The following MAMDC2 variants were observed in gnomAD, a reference collection of about 807,000 sequenced individuals.
The protein encoded by MAMDC2 is MAM domain containing 2, also known as MAM domain-containing protein 2.
Under a neutral mutation model 89.8 loss-of-function variants are expected in MAMDC2, and 57 were observed. The ratio of observed to expected loss-of-function variants is 0.63; its 90% CI spans 0.51 to 0.79. The LOEUF (loss-of-function observed/expected upper bound fraction) is 0.79. Among genes scored for constraint, MAMDC2 ranks in the 30% least tolerant of loss-of-function variants. The pLI is 0.00. For missense variants in MAMDC2, 800 were observed against 820.6 expected (o/e 0.97, Z 0.31); for synonymous variants, 313 against 293.4 (o/e 1.07, Z -0.68).
chr9:70,074,293 T>C (rs975680053), intron 2 of MAMDC2, among the ~76,000 whole-genome samples: 1 of 152,238 alleles, frequency 6.6e-6, no homozygotes, highest in African/African-American at 2.4e-5. Flanking sequence ...TTAAAACTTA[T>C]GCAACTTTTA....
rs374679339 is a variant in MAMDC2, at chr9:70,051,888, G to T, written c.148+7191G>T. On this transcript the variant is annotated intron_variant, in intron 2 of 13. Coordinates refer to ENST00000377182, the MANE Select transcript of MAMDC2 (RefSeq NM_153267.5). ...ATCTATTTACCTATCTAGATAGATAGAGATAGATAGATAGATAGATAGATA... is the reference window on the plus strand; with the variant it reads ...ATCTATTTACCTATCTAGATAGATATAGATAGATAGATAGATAGATAGATA... 3.2e-4 allele frequency among the ~76,000 whole-genome samples: 47 copies of T among 148,914 alleles called. No homozygotes were observed. The East Asian group carries it at 3.9e-3, about 13-fold the overall frequency.
intron 9 of MAMDC2, among the ~76,000 whole-genome samples, chr9:70,154,902 T>C (rs1336472196): frequency 2.0e-5 from 3 of 152,138 alleles, no homozygotes; most frequent in African/African-American, 7.2e-5. Flanking sequence ...ACTGTGCCTT[T>C]TCCTATTCCC....
At chr9:70,182,924 C>A (rs1030828855) in intron 11 of MAMDC2, among the ~76,000 whole-genome samples, 8 of 152,120 alleles carry the variant, frequency 5.3e-5, no homozygotes, top group African/African-American at 1.9e-4. Context: ...TTGTCTAGTT[C>A]TTTTAATTGT....
chr9:70,143,493 A>T, intron 8 of MAMDC2, 61 bp from the exon 9 acceptor site: 1 of 1,564,820 alleles, frequency 6.4e-7, no homozygotes, highest in Non-Finnish European at 8.7e-7. Flanking sequence ...ATCATATTTT[A>T]CCACTTGCTA....
At chr9:70,138,004 G>A (rs1189350416) in intron 7 of MAMDC2, among the ~76,000 whole-genome samples, 1 of 152,114 alleles carries the variant, frequency 6.6e-6, no homozygotes, top group African/African-American at 2.4e-5. Flanking sequence ...ATCCATCCTG[G>A]CGTAACATAC....
Position 70,218,374 on chromosome 9 carries a change from T to C in MAMDC2, c.1689T>C (p.Tyr563=), listed in dbSNP as rs887269248. ...ACATTGAGGCCTCCCATATGGTGTA[T>C]GGACAAAAAGCACGCCTCTTGTCCA... The part of the protein sequence containing the change: ...YMYIEASHMV[Y]GQKARLLSRP... The change falls in exon 12 of 14, where the codon TAT becomes TAC. Residue 563 remains tyrosine, a synonymous_variant. Coordinates refer to ENST00000377182, the MANE Select transcript of MAMDC2 (RefSeq NM_153267.5). 3 of 1,614,084 alleles carry C rather than the reference T, an allele frequency of 1.9e-6. No individual in the cohort carries two copies. The South Asian group carries it at 3.3e-5, about 18-fold the overall frequency.
intron 11 of MAMDC2, among the ~76,000 whole-genome samples, chr9:70,210,688 T>G (rs2033337262): frequency 6.6e-6 from 1 of 152,246 alleles, no homozygotes; most frequent in Non-Finnish European, 1.5e-5. Context: ...GTTAGCTGGT[T>G]ATTTTGTTCA....
intron 2 of MAMDC2, among the ~76,000 whole-genome samples, chr9:70,098,522 A>T (rs1484811656): frequency 6.6e-6 from 1 of 152,230 alleles, no homozygotes; most frequent in Non-Finnish European, 1.5e-5. Context: ...GATTTGAGGC[A>T]CTGCAGTAGA....
Position 70,166,270 on chromosome 9 carries a change from T to TACACACACACAC in MAMDC2, c.1405-2431_1405-2430insCACACACACACA, listed in dbSNP as rs1372969228. ...AAAAAAAACAAAACAGAAATATATA[T>TACACACACACAC]ATATATACACACACACACACACACA... On this transcript the variant is annotated intron_variant, in intron 9 of 13. Coordinates refer to ENST00000377182, the MANE Select transcript of MAMDC2 (RefSeq NM_153267.5). Among the ~76,000 whole-genome samples the TACACACACACAC allele has an allele frequency of 2.6e-4, 9 of 35,138 alleles. No homozygotes were observed. In the East Asian group the frequency reaches 0.02, roughly 78 times the overall value. 23.1% of individuals were successfully genotyped at this position (35,138 alleles called of 152,430 possible). A position where few individuals can be genotyped will look rare whatever the true frequency, so the allele number is the denominator to read the frequency against.
intron 6 of MAMDC2, among the ~76,000 whole-genome samples, chr9:70,127,359 C>G (rs1259096162): frequency 6.6e-6 from 1 of 152,062 alleles, no homozygotes; most frequent in Admixed American, 6.5e-5. Context: ...TCTGAGGACC[C>G]CTTAGGACCT....
chr9:70,052,377 T>G (rs537627915), intron 2 of MAMDC2, among the ~76,000 whole-genome samples: 6 of 152,366 alleles, frequency 3.9e-5, no homozygotes, highest in African/African-American at 1.4e-4. Flanking sequence ...ACTTACTTGC[T>G]TCTTGTTTTA....
intron 2 of MAMDC2, among the ~76,000 whole-genome samples, chr9:70,098,095 T>A (rs1273659340): frequency 6.6e-6 from 1 of 152,212 alleles, no homozygotes; most frequent in Non-Finnish European, 1.5e-5. Context: ...ATATACTTTA[T>A]GGAAATGGAT....
In MAMDC2 at chr9:70,218,433, T is replaced by C. The variant is rs1240634501; in HGVS notation, c.1748T>C (p.Leu583Ser). The C allele has an allele frequency of 6.2e-7, 1 of 1,614,088 alleles. No individual in the cohort carries two copies. Among genetic ancestry groups the C allele is most frequent in the Non-Finnish European group, 8.5e-7 (1 of 1,180,036 alleles). ...PLRGVSGKHC[L>S]TFFYHMYGGG... is the part of the protein sequence containing the mutation. ...CGAGGAGTCTCTGGAAAACACTGCTTGACCTTTTTCTACCACATGTATGGA... is the reference window on the plus strand; with the variant it reads ...CGAGGAGTCTCTGGAAAACACTGCTCGACCTTTTTCTACCACATGTATGGA... The change falls in exon 12 of 14, where the codon TTG becomes TCG. Residue 583 changes from leucine (L) to serine (S), a missense_variant. Physicochemically the swap from Leu to Ser is moderately radical, Grantham distance 145 (BLOSUM62 -2). Transcript: ENST00000377182.
intron 9 of MAMDC2, among the ~76,000 whole-genome samples, chr9:70,166,771 T>C (rs2032191092): frequency 6.6e-6 from 1 of 152,220 alleles, no homozygotes; most frequent in Non-Finnish European, 1.5e-5. Flanking sequence ...TTGAGTTTTA[T>C]GTAGGTAATG....
At chr9:70,133,212 G>C (rs2030872580) in intron 7 of MAMDC2, among the ~76,000 whole-genome samples, 1 of 152,166 alleles carries the variant, frequency 6.6e-6, no homozygotes, top group East Asian at 1.9e-4. Flanking sequence ...TGGTAGAAGA[G>C]GTGTTTATCT....
chr9:70,202,335 C>T (rs1477821273), intron 11 of MAMDC2, among the ~76,000 whole-genome samples: 4 of 152,054 alleles, frequency 2.6e-5, no homozygotes, highest in Non-Finnish European at 2.9e-5. Flanking sequence ...CAGGAGCAGG[C>T]TGTTCAGTTT....
intron 9 of MAMDC2, among the ~76,000 whole-genome samples, chr9:70,148,755 C>T (rs1032248874): frequency 2.7e-5 from 4 of 149,808 alleles, no homozygotes; most frequent in African/African-American, 9.9e-5. Context: ...AAAGGCCAGG[C>T]GCGGTGGCTC....
chr9:70,196,540 G>A (rs746334410), intron 11 of MAMDC2, among the ~76,000 whole-genome samples: 7 of 152,036 alleles, frequency 4.6e-5, no homozygotes, highest in Non-Finnish European at 8.8e-5. Context: ...CTGCAAGTAA[G>A]GGATGGTTAC....
Position 70,226,253 on chromosome 9 carries a change from G to A in MAMDC2, c.*221G>A, listed in dbSNP as rs2033638614. 1 of 332,840 alleles carries A rather than the reference G, an allele frequency of 3.0e-6. No individual in the cohort carries two copies. Among genetic ancestry groups the A allele is most frequent in the Non-Finnish European group, 5.5e-6 (1 of 182,360 alleles). 20.6% of individuals were successfully genotyped at this position (332,840 alleles called of 1,614,324 possible). A position where few individuals can be genotyped will look rare whatever the true frequency, so the allele number is the denominator to read the frequency against. On this transcript the variant is annotated 3_prime_UTR_variant, in exon 14 of 14. Transcript: ENST00000377182. ...ACTAGAAATACAGGCTACTGGTTTTGCATAGATCATTCATCTTAATTTTGG... is the reference window on the plus strand; with the variant it reads ...ACTAGAAATACAGGCTACTGGTTTTACATAGATCATTCATCTTAATTTTGG...
Sources: gnomAD v4.1 joint callset for allele counts (sites outside exome capture counted in the v4.1 genomes callset) on GRCh38, gnomAD v4.1.1 for gene constraint, MANE v1.5 for transcripts, NCBI Gene and HGNC (gene_info 2026-07-23, HGNC 2026-07-21) for gene names.